The following LRP1B variants were observed in gnomAD, a reference collection of about 807,000 sequenced individuals.
LRP1B encodes LDL receptor related protein 1B.
A neutral mutation model predicts 556.6 loss-of-function variants in LRP1B; 217 were observed. The observed-to-expected ratio is 0.39, with a 90% CI of 0.35 to 0.44. LRP1B has a LOEUF of 0.44. Ranked by LOEUF, LRP1B falls within the 20% of genes least tolerant of loss-of-function variation. LRP1B has a pLI of 1.00. For missense variants in LRP1B, 5,053 were observed against 5,620.8 expected, an observed-to-expected ratio of 0.90 and a Z score of 3.23; for synonymous variants, 2,047 against 1,865.8, an observed-to-expected ratio of 1.10 and a Z score of -2.50.
chr2:141,286,871 T>C (rs1231979711), intron 3 of LRP1B: 5 of 319,492 alleles, frequency 1.6e-5, no homozygotes, highest in Non-Finnish European at 2.7e-5. Context: ...GGAAATATTC[T>C]ACATCGGCAT....
chr2:140,475,263 A>G lies in LRP1B; in HGVS notation c.9500T>C (p.Val3167Ala). ...RVGMDGTNQS[V>A]VIETKISRPM... ...TCTAGAAATCTTGGTTTCTATGACA[A>G]CACTCTGATTGGTTCCATCCATTCC... The change falls in exon 60 of 91, where the codon GTT becomes GCT. Residue 3167 changes from valine (V) to alanine (A), a missense_variant. Physicochemically the swap from Val to Ala is moderately conservative, Grantham distance 64. This residue lies in a region of LRP1B where 3,619 missense variants were observed against 3,931.9 expected (regional missense o/e 0.92). Transcript: ENST00000389484. 6.2e-7 allele frequency: 1 copy of G among 1,612,390 alleles called. No homozygotes were observed. Among genetic ancestry groups the G allele is most frequent in the Non-Finnish European group, 8.5e-7 (1 of 1,178,884 alleles).
At chr2:141,579,752 T>C (rs1574100875) in intron 2 of LRP1B, among the ~76,000 whole-genome samples, 1 of 116,930 alleles carries the variant, frequency 8.6e-6, no homozygotes, top group African/African-American at 3.0e-5. Flanking sequence ...TGAGACGGAG[T>C]GCAGTGGCGT....
intron 3 of LRP1B, among the ~76,000 whole-genome samples, chr2:141,300,030 A>G (rs768664996): frequency 5.3e-5 from 8 of 152,206 alleles, no homozygotes; most frequent in African/African-American, 1.9e-4. Context: ...ATTCCCTTGT[A>G]AAAGAGACCC....
At chr2:140,311,888 T>TC (rs1430126825) in intron 83 of LRP1B, among the ~76,000 whole-genome samples, 49 of 152,042 alleles carry the variant, frequency 3.2e-4, no homozygotes, top group African/African-American at 1.1e-3. Flanking sequence ...ATGCCCCACG[T>TC]ACATATGTGA....
intron 2 of LRP1B, among the ~76,000 whole-genome samples, chr2:141,677,226 T>G (rs887049229): frequency 6.6e-6 from 1 of 152,002 alleles, no homozygotes; most frequent in Admixed American, 6.6e-5. Flanking sequence ...TTTCAAAAAA[T>G]TGAGCCTGAA....
In LRP1B at chr2:140,633,002, G is replaced by A. The variant is rs537841666; in HGVS notation, c.6800-31363C>T. Among the ~76,000 whole-genome samples the A allele has an allele frequency of 7.3e-5, 11 of 151,600 alleles. No individual in the cohort carries two copies. In the South Asian group the frequency reaches 2.3e-3, roughly 32 times the overall value. On this transcript the variant is annotated intron_variant, in intron 41 of 90. Transcript: ENST00000389484. The stretch of plus-strand genomic sequence containing the variant: ...GGTGCTAACCTGGGAGGCGGAGCTT[G>A]CAGTGAGCCGAGATCATGCCACTGC...
At chr2:141,679,490 C>T (rs1475226229) in intron 2 of LRP1B, among the ~76,000 whole-genome samples, 1 of 152,040 alleles carries the variant, frequency 6.6e-6, no homozygotes. Flanking sequence ...AAAAACATAT[C>T]CATGTTCTGA....
intron 5 of LRP1B, 96 bp downstream of exon 5, chr2:141,247,130 T>C (rs965880820): frequency 1.5e-6 from 2 of 1,375,278 alleles, no homozygotes; most frequent in Non-Finnish European, 2.0e-6. Context: ...CTCTTCAAAG[T>C]CCATATTTCT....
intron 8 of LRP1B, 101 bp downstream of exon 8, chr2:141,061,950 T>C: frequency 2.3e-6 from 2 of 857,430 alleles, no homozygotes; most frequent in Admixed American, 1.9e-5. Flanking sequence ...TTATGACTCA[T>C]TGCAGCTCGA....
chr2:141,081,471 G>A (rs961220194), intron 7 of LRP1B, among the ~76,000 whole-genome samples: 5 of 152,256 alleles, frequency 3.3e-5, no homozygotes, highest in South Asian at 2.1e-4. Context: ...TACGCACTTC[G>A]TGTTTCATAG....
chr2:140,834,513 C>G (rs1458105600), intron 31 of LRP1B, among the ~76,000 whole-genome samples: 1 of 152,202 alleles, frequency 6.6e-6, no homozygotes, highest in East Asian at 1.9e-4. Flanking sequence ...GCTGGGATTA[C>G]AAGCGTGAGC....
At chr2:140,410,254 A>T (rs1156363313) in intron 66 of LRP1B, among the ~76,000 whole-genome samples, 2 of 151,916 alleles carry the variant, frequency 1.3e-5, no homozygotes, top group South Asian at 2.1e-4. Context: ...CCCTTACTTG[A>T]CTTACAGTTC....
At chr2:142,035,977 C>A (rs1352411900) in intron 1 of LRP1B, among the ~76,000 whole-genome samples, 1 of 151,656 alleles carries the variant, frequency 6.6e-6, no homozygotes, top group East Asian at 1.9e-4. Flanking sequence ...TCCTCATTTT[C>A]TCTTGTTGCC....
intron 27 of LRP1B, among the ~76,000 whole-genome samples, chr2:140,865,224 A>G (rs2105148054): frequency 6.6e-6 from 1 of 152,196 alleles, no homozygotes; most frequent in African/African-American, 2.4e-5. Flanking sequence ...ATGAATGCTT[A>G]CTTGTAAGAA....
chr2:140,314,997 C>T lies in LRP1B; in HGVS notation c.12743G>A (p.Cys4248Tyr). 6.2e-7 allele frequency: 1 copy of T among 1,611,836 alleles called. No homozygotes were observed. The highest frequency in any genetic ancestry group is 8.5e-7 in the Non-Finnish European group (1 of 1,178,720). ...GTAGTTGCTACAGTGGTTGACTTCACATCTTTCTCCTGAATAACTGGGCCA... is the reference window on the plus strand; with the variant it reads ...GTAGTTGCTACAGTGGTTGACTTCATATCTTTCTCCTGAATAACTGGGCCA... ...HCWPSYSGER[C>Y]EVNHCSNYCQ... The change falls in exon 83 of 91, where the codon TGT becomes TAT. Residue 4248 changes from cysteine (C) to tyrosine (Y), a missense_variant. Physicochemically the swap from Cys to Tyr is radical, Grantham distance 194 (BLOSUM62 -2). This residue lies in a region of LRP1B where 551 missense variants were observed against 592.0 expected (regional missense o/e 0.93). Transcript: ENST00000389484.
chr2:141,705,438 T>C (rs1187328661), intron 2 of LRP1B, among the ~76,000 whole-genome samples: 18 of 151,982 alleles, frequency 1.2e-4, no homozygotes, highest in Admixed American at 1.2e-3. Flanking sequence ...CAGAATCTCC[T>C]GAGTACTGGG....
intron 6 of LRP1B, among the ~76,000 whole-genome samples, chr2:141,210,557 G>A (rs300355): frequency 0.38 from 57,291 of 151,850 alleles, 12,046 homozygotes; most frequent in Middle Eastern, 0.54. Flanking sequence ...TACCTTCCAA[G>A]TTTCTGATTG....
chr2:141,467,114 A>C (rs1343150777), intron 3 of LRP1B, among the ~76,000 whole-genome samples: 1 of 2,392 alleles, frequency 4.2e-4, no homozygotes, highest in African/African-American at 7.5e-4. Context: ...ATATATATAT[A>C]TATATATATC....
At chr2:141,549,821 C>T (rs1199833727) in intron 2 of LRP1B, among the ~76,000 whole-genome samples, 2 of 152,044 alleles carry the variant, frequency 1.3e-5, no homozygotes, top group Non-Finnish European at 2.9e-5. Flanking sequence ...ATGGTGAAAC[C>T]CCATCTCTAC....
Sources: gnomAD v4.1 joint callset for allele counts (sites outside exome capture counted in the v4.1 genomes callset) on GRCh38, gnomAD v4.1.1 for gene constraint, gnomAD v4.1.1 regional missense constraint, MANE v1.5 for transcripts, NCBI Gene and HGNC (gene_info 2026-07-23, HGNC 2026-07-21) for gene names.